Variants in ZNF804B observed in about 807,000 individuals in gnomAD.
ZNF804B encodes zinc finger protein 804B.
ZNF804B carries 80 observed loss-of-function variants against 101.4 expected under a neutral mutation model. That is an observed-to-expected ratio of 0.79 (90% confidence interval 0.66 to 0.95). The LOEUF is 0.95. ZNF804B is among the 40% of genes least tolerant of loss of function. The pLI is 0.00. For synonymous variants in ZNF804B, 622 were observed against 558.8 expected (o/e 1.11, Z -1.59); for missense variants, 1,673 against 1,561.9 (o/e 1.07, Z -1.20).
chr7:89,165,220 T>C (rs1791124243), intron 1 of ZNF804B, among the ~76,000 whole-genome samples: 1 of 152,110 alleles, frequency 6.6e-6, no homozygotes, highest in Non-Finnish European at 1.5e-5. Flanking sequence ...TCTGAAATTT[T>C]AAGCATAATT....
intron 1 of ZNF804B, among the ~76,000 whole-genome samples, chr7:89,007,728 A>G (rs1359034903): frequency 6.7e-6 from 1 of 150,324 alleles, no homozygotes; most frequent in African/African-American, 2.4e-5. Context: ...AACAAAAGGC[A>G]AAATCATGAC....
At chr7:88,982,776 C>T (rs1001295739) in intron 1 of ZNF804B, among the ~76,000 whole-genome samples, 2 of 151,994 alleles carry the variant, frequency 1.3e-5, no homozygotes, top group Non-Finnish European at 2.9e-5. Flanking sequence ...CACATTATGA[C>T]AGAATGTATT....
At chr7:89,012,634 C>T (rs1197644224) in intron 1 of ZNF804B, among the ~76,000 whole-genome samples, 1 of 152,164 alleles carries the variant, frequency 6.6e-6, no homozygotes, top group East Asian at 1.9e-4. Flanking sequence ...TCCTGAACTT[C>T]ATTGTCCATA....
At chr7:89,106,022 A>G (rs532873911) in intron 1 of ZNF804B, among the ~76,000 whole-genome samples, 31 of 152,250 alleles carry the variant, frequency 2.0e-4, no homozygotes, top group African/African-American at 7.2e-4. Context: ...CTCAGGTACA[A>G]CACCCTCTAG....
chr7:88,978,962 C>T (rs1404132056), intron 1 of ZNF804B, among the ~76,000 whole-genome samples: 1 of 151,558 alleles, frequency 6.6e-6, no homozygotes, highest in Non-Finnish European at 1.5e-5. Context: ...TTGAAGTTAC[C>T]ATGAGACTTG....
chr7:89,268,880 G>A (rs994958453), intron 2 of ZNF804B, among the ~76,000 whole-genome samples: 3 of 151,962 alleles, frequency 2.0e-5, no homozygotes, highest in Admixed American at 6.6e-5. Context: ...GACAAGTGCT[G>A]TATAAAGAGA....
At chr7:88,833,890 A>T (rs3847042) in intron 1 of ZNF804B, among the ~76,000 whole-genome samples, 1 of 151,230 alleles carries the variant, frequency 6.6e-6, no homozygotes, top group African/African-American at 2.4e-5. Flanking sequence ...TGCCAAAATT[A>T]CTTATTTTCT....
At chr7:88,799,108 A>C (rs141035886) in intron 1 of ZNF804B, among the ~76,000 whole-genome samples, 8 of 152,178 alleles carry the variant, frequency 5.3e-5, no homozygotes, top group African/African-American at 1.9e-4. Flanking sequence ...ACTCGTGTCA[A>C]AGAGTACACC....
chr7:89,265,299 TGCGC>T (rs72433209), intron 2 of ZNF804B, among the ~76,000 whole-genome samples: 31,408 of 140,344 alleles, frequency 0.22, 3,400 homozygotes, highest in Non-Finnish European at 0.27. Context: ...TGTGTGCGCG[TGCGC>T]GCGCGCACAC....
intron 1 of ZNF804B, among the ~76,000 whole-genome samples, chr7:88,864,295 CG>C (rs1397540658): frequency 6.6e-6 from 1 of 152,120 alleles, no homozygotes; most frequent in African/African-American, 2.4e-5. Context: ...AATGAGACAA[CG>C]AATATATACT....
chr7:88,849,024 G>A (rs1791414657), intron 1 of ZNF804B, among the ~76,000 whole-genome samples: 1 of 152,098 alleles, frequency 6.6e-6, no homozygotes, highest in African/African-American at 2.4e-5. Context: ...TGATCAGCTA[G>A]GAGACTAGTG....
chr7:88,836,566 A>C (rs756357374), intron 1 of ZNF804B, among the ~76,000 whole-genome samples: 7 of 151,970 alleles, frequency 4.6e-5, no homozygotes, highest in Non-Finnish European at 8.8e-5. Flanking sequence ...TATCTACTTC[A>C]AATACTTACC....
intron 1 of ZNF804B, among the ~76,000 whole-genome samples, chr7:89,087,346 AAGG>A (rs1789820156): frequency 6.6e-6 from 1 of 151,736 alleles, no homozygotes; most frequent in Non-Finnish European, 1.5e-5. Context: ...TATAAAAAAA[AAGG>A]GTCCAAATGT....
intron 1 of ZNF804B, among the ~76,000 whole-genome samples, chr7:89,017,145 A>G (rs983932369): frequency 6.6e-6 from 1 of 152,044 alleles, no homozygotes; most frequent in Admixed American, 6.6e-5. Flanking sequence ...TTTGTCTGCT[A>G]TTGGTGTATA....
intron 2 of ZNF804B, among the ~76,000 whole-genome samples, chr7:89,278,128 C>T (rs539968387): frequency 1.2e-3 from 176 of 152,194 alleles, no homozygotes; most frequent in African/African-American, 3.9e-3. Flanking sequence ...TCATATGTTT[C>T]TTGGCTGCAT....
intron 1 of ZNF804B, among the ~76,000 whole-genome samples, chr7:89,140,018 A>G (rs1390764504): frequency 6.6e-6 from 1 of 152,090 alleles, no homozygotes; most frequent in Non-Finnish European, 1.5e-5. Context: ...GAAAGTGCAA[A>G]TTACTTTTTG....
intron 1 of ZNF804B, among the ~76,000 whole-genome samples, chr7:88,814,447 A>AACACACACACAC (rs66471769): frequency 6.4e-5 from 9 of 141,280 alleles, no homozygotes; most frequent in African/African-American, 1.3e-4. Context: ...CCTCCCTTCA[A>AACACACACACAC]ACACACACAC....
At chr7:88,877,160 A>G (rs561496382) in intron 1 of ZNF804B, among the ~76,000 whole-genome samples, 3 of 144,240 alleles carry the variant, frequency 2.1e-5, no homozygotes, top group African/African-American at 7.8e-5. Flanking sequence ...CCCAGGTTCA[A>G]GTGATTCTCA....
chr7:88,878,611 C>T (rs1791985924), intron 1 of ZNF804B, among the ~76,000 whole-genome samples: 1 of 151,984 alleles, frequency 6.6e-6, no homozygotes, highest in Non-Finnish European at 1.5e-5. Context: ...TTTTTTTAAT[C>T]ACCTATACTA....
Sources: allele counts gnomAD v4.1 joint callset (sites outside exome capture counted in the v4.1 genomes callset), GRCh38; gene constraint gnomAD v4.1.1; transcripts MANE v1.5; gene names NCBI Gene and HGNC (gene_info 2026-07-23, HGNC 2026-07-21).